MICU2: variants seen among roughly 807,000 people sequenced by gnomAD.
MICU2 encodes the protein calcium uptake protein 2, mitochondrial.
A neutral mutation model predicts 60.4 loss-of-function variants in MICU2; 64 were observed. The observed-to-expected ratio is 1.06, with a 90% CI of 0.87 to 1.31. The LOEUF is 1.31. MICU2 is among the 50% of genes most tolerant of loss of function. MICU2 has a pLI of 0.00. For synonymous variants in MICU2, 201 were observed against 175.0 expected (o/e 1.15, Z -1.17); for missense variants, 569 against 531.0 (o/e 1.07, Z -0.70).
chr13:21,508,872 A>C (rs567824281), intron 8 of MICU2, among the ~76,000 whole-genome samples: 1 of 152,330 alleles, frequency 6.6e-6, no homozygotes, highest in South Asian at 2.1e-4. Flanking sequence ...AACACAGGGT[A>C]CACTAAGTGA....
chr13:21,560,542 T>C (rs535905025), intron 2 of MICU2, among the ~76,000 whole-genome samples: 5 of 152,264 alleles, frequency 3.3e-5, no homozygotes, highest in Non-Finnish European at 7.4e-5. Flanking sequence ...AACTTCTCCA[T>C]TTTTTTCCTT....
At chr13:21,512,589 G>A (rs926443466) in intron 7 of MICU2, among the ~76,000 whole-genome samples, 10 of 151,456 alleles carry the variant, frequency 6.6e-5, no homozygotes, top group Middle Eastern at 3.4e-3. Context: ...CTGGGACTAC[G>A]GGTGCCCGCC....
At position 21,522,634 on chromosome 13, in the gene MICU2, G is replaced by C. The variant is rs150938198; in HGVS notation, c.483C>G (p.Thr161=). The C allele has an allele frequency of 6.9e-6, 11 of 1,601,926 alleles. No homozygotes were observed. The highest frequency in any genetic ancestry group is 2.3e-5 in the South Asian group (2 of 88,784). The change falls in exon 5 of 12, where the codon ACC becomes ACG. Residue 161 remains threonine (T), a synonymous_variant. Transcript: ENST00000382374. The part of the protein sequence containing the change: ...DLGDKGLISY[T]EYLFLLTILT... The stretch of plus-strand genomic sequence containing the variant: ...GGATTGTAAGCAAGAAAAGATACTC[G>C]GTATATGAAATTAGCCCTGAAAGAG...
chr13:21,503,170 A>T, intron 8 of MICU2, 73 bp from the exon 9 acceptor site: 1 of 1,103,732 alleles, frequency 9.1e-7, no homozygotes, highest in Non-Finnish European at 1.3e-6. Context: ...TGGGTCTGCA[A>T]AGTACCTTCA....
intron 9 of MICU2, among the ~76,000 whole-genome samples, chr13:21,497,952 G>A (rs971150964): frequency 9.2e-5 from 14 of 152,044 alleles, no homozygotes; most frequent in African/African-American, 2.9e-4. Context: ...ACGAGATCTC[G>A]CTATGTTTCT....
At position 21,603,832 on chromosome 13, in the gene MICU2, C is replaced by CA; in HGVS notation, c.210+106dup. 7.9e-6 allele frequency: 10 copies of CA among 1,260,554 alleles called. No homozygotes were observed. The South Asian group carries it at 1.4e-4, about 18-fold the overall frequency. 78.1% of individuals were successfully genotyped at this position (1,260,554 alleles called of 1,614,324 possible). On this transcript the variant is annotated intron_variant, in intron 1 of 11. Coordinates refer to ENST00000382374, the MANE Select transcript of MICU2 (RefSeq NM_152726.3). The stretch of plus-strand genomic sequence containing the variant: ...GCGCTCCGATCCGCAGCGGCACCTC[C>CA]ACCCACGGCTCCGGGAGAGCCGCCC...
At chr13:21,509,356 T>C (rs1886370144) in intron 8 of MICU2, among the ~76,000 whole-genome samples, 1 of 152,212 alleles carries the variant, frequency 6.6e-6, no homozygotes, top group South Asian at 2.1e-4. Context: ...TACTGGAACA[T>C]GTCCATGTCT....
intron 8 of MICU2, among the ~76,000 whole-genome samples, chr13:21,506,027 CTTT>C (rs1158304652): frequency 9.7e-5 from 14 of 144,660 alleles, no homozygotes; most frequent in Non-Finnish European, 2.0e-4. Flanking sequence ...CCAGACTCCA[CTTT>C]TTTTTTTTTT....
At chr13:21,571,647 A>G (rs1341338889) in intron 1 of MICU2, among the ~76,000 whole-genome samples, 1 of 152,238 alleles carries the variant, frequency 6.6e-6, no homozygotes, top group Non-Finnish European at 1.5e-5. Flanking sequence ...GCAGTGAGCC[A>G]AGATCGTGCC....
chr13:21,563,069 G>T (rs927113268), intron 2 of MICU2, among the ~76,000 whole-genome samples: 1 of 152,058 alleles, frequency 6.6e-6, no homozygotes, highest in African/African-American at 2.4e-5. Context: ...TGCTTAAAAA[G>T]AAATATATAA....
At chr13:21,539,425 T>C (rs757358143) in intron 3 of MICU2, 48 bp from the exon 4 acceptor site, 1 of 1,559,290 alleles carries the variant, frequency 6.4e-7, no homozygotes. Flanking sequence ...TCATTTTCTT[T>C]GTAGCTGGGA....
chr13:21,604,028 C>A lies in MICU2; in HGVS notation c.121G>T (p.Gly41Cys), dbSNP rs1888897559. 2 of 1,607,902 alleles carry A rather than the reference C, an allele frequency of 1.2e-6. No homozygotes were observed. The highest frequency in any genetic ancestry group is 1.7e-6 in the Non-Finnish European group (2 of 1,178,042). Residue 41 changes from glycine to cysteine, a missense_variant, in exon 1 of 12, where the codon GGC (glycine) becomes TGC (cysteine). By Grantham distance (159) the Gly-to-Cys change is radical. Coordinates refer to ENST00000382374, the MANE Select transcript of MICU2 (RefSeq NM_152726.3). ...SPGPLAAAVA[G>C]AALAGAGAAW... is the part of the protein sequence containing the mutation. ...GCTCCTGCTCCTGCCAGGGCCGCGC[C>A]GGCCACTGCCGCTGCCAAGGGGCCG... is the stretch of plus-strand genomic sequence containing the variant.
At position 21,565,779 on chromosome 13, in the gene MICU2, G is replaced by A. The variant is rs149255187; in HGVS notation, c.358+1018C>T. Among the ~76,000 whole-genome samples, 197 of 152,352 alleles carry A rather than the reference G, an allele frequency of 1.3e-3. 1 individual carries two copies. Among genetic ancestry groups the A allele is most frequent in the African/African-American group, 4.3e-3 (177 of 41,588 alleles). On this transcript the variant is annotated intron_variant, in intron 2 of 11. Coordinates refer to ENST00000382374, the MANE Select transcript of MICU2 (RefSeq NM_152726.3). ...ACCCGGGAGGCGGAGGTTGCAGTGA[G>A]CTGAGATCATGCCATTGCACTCCAG... is the stretch of plus-strand genomic sequence containing the variant.
intron 1 of MICU2, chr13:21,602,868 T>C (rs1282822762): frequency 6.6e-6 from 1 of 152,148 alleles, no homozygotes; most frequent in East Asian, 1.9e-4. Flanking sequence ...AAAAAGCTCA[T>C]ATGTAAAAAC....
chr13:21,557,251 G>A (rs1887730115), intron 2 of MICU2, among the ~76,000 whole-genome samples: 2 of 152,176 alleles, frequency 1.3e-5, no homozygotes, highest in African/African-American at 2.4e-5. Context: ...GGTAATGGAC[G>A]TGGGAAGTGA....
intron 1 of MICU2, among the ~76,000 whole-genome samples, chr13:21,571,418 C>T (rs1013581411): frequency 6.6e-6 from 1 of 152,146 alleles, no homozygotes; most frequent in Non-Finnish European, 1.5e-5. Context: ...CAATATTAGG[C>T]TGGGCACGGG....
chr13:21,506,286 G>A (rs754480003), intron 8 of MICU2, among the ~76,000 whole-genome samples: 2 of 152,180 alleles, frequency 1.3e-5, no homozygotes, highest in Non-Finnish European at 2.9e-5. Flanking sequence ...AAAGTGCTGG[G>A]ATTACAGGTG....
chr13:21,591,833 AAG>A (rs1227026485), intron 1 of MICU2, among the ~76,000 whole-genome samples: 1 of 152,064 alleles, frequency 6.6e-6, no homozygotes, highest in South Asian at 2.1e-4. Flanking sequence ...AATGAGAACA[AAG>A]AGATATCTCT....
At chr13:21,594,381 T>C (rs965318355) in intron 1 of MICU2, among the ~76,000 whole-genome samples, 2 of 152,054 alleles carry the variant, frequency 1.3e-5, no homozygotes, top group East Asian at 1.9e-4. Context: ...CAGGAAACAA[T>C]AGATACTGGC....
Sources: allele counts gnomAD v4.1 joint callset (sites outside exome capture counted in the v4.1 genomes callset), GRCh38; gene constraint gnomAD v4.1.1; transcripts MANE v1.5; gene names NCBI Gene and HGNC (gene_info 2026-07-23, HGNC 2026-07-21).